Variants in CDH13 observed in about 807,000 individuals in gnomAD.
CDH13 encodes the protein cadherin-13.
CDH13 carries 24 observed loss-of-function variants against 63.8 expected under a neutral mutation model. The observed-to-expected ratio is 0.38, with a 90% CI of 0.27 to 0.53. CDH13 has a LOEUF of 0.53. Ranked by LOEUF, CDH13 falls within the 20% of genes least tolerant of loss-of-function variation. The pLI, the probability that CDH13 is intolerant of heterozygous loss-of-function variation, is 0.85. For missense variants in CDH13, 1,049 were observed against 903.1 expected (o/e 1.16, Z -2.07); for synonymous variants, 503 against 355.3 (o/e 1.42, Z -4.67).
chr16:82,948,506 A>T (rs1904971786), intron 2 of CDH13, among the ~76,000 whole-genome samples: 1 of 152,206 alleles, frequency 6.6e-6, no homozygotes, highest in Admixed American at 6.5e-5. Flanking sequence ...TTATTTTTAG[A>T]ACAAACACAT....
intron 1 of CDH13, among the ~76,000 whole-genome samples, chr16:82,812,492 G>C (rs1160779355): frequency 3.3e-5 from 5 of 152,096 alleles, no homozygotes; most frequent in Non-Finnish European, 7.4e-5. Flanking sequence ...CAGGTGAGGT[G>C]GTGGAGGTGC....
chr16:83,691,838 A>T (rs1904924639), intron 10 of CDH13, among the ~76,000 whole-genome samples: 1 of 152,020 alleles, frequency 6.6e-6, no homozygotes, highest in Non-Finnish European at 1.5e-5. Context: ...TGCTATAGCT[A>T]CACCAAATTG....
At chr16:83,240,158 T>G (rs888581178) in intron 5 of CDH13, among the ~76,000 whole-genome samples, 1 of 152,134 alleles carries the variant, frequency 6.6e-6, no homozygotes, top group African/African-American at 2.4e-5. Context: ...CTGCCTTTGT[T>G]GGTGTACCCC....
chr16:83,018,771 A>G (rs907544161), intron 2 of CDH13, among the ~76,000 whole-genome samples: 10 of 152,374 alleles, frequency 6.6e-5, no homozygotes, highest in African/African-American at 2.2e-4. Context: ...TCGGCTACTA[A>G]CATATATAGC....
At chr16:83,408,960 G>T (rs2092087380) in intron 6 of CDH13, among the ~76,000 whole-genome samples, 1 of 152,214 alleles carries the variant, frequency 6.6e-6, no homozygotes, top group African/African-American at 2.4e-5. Flanking sequence ...CATGGGAACA[G>T]AAGATTGGTG....
At chr16:83,038,675 C>T (rs924485525) in intron 3 of CDH13, among the ~76,000 whole-genome samples, 28 of 152,150 alleles carry the variant, frequency 1.8e-4, no homozygotes, top group African/African-American at 5.8e-4. Flanking sequence ...TGCACACATG[C>T]GTGTTCGCCT....
chr16:82,732,954 G>A (rs1046838481), intron 1 of CDH13, among the ~76,000 whole-genome samples: 2 of 152,164 alleles, frequency 1.3e-5, no homozygotes, highest in African/African-American at 4.8e-5. Context: ...AAGACAAATG[G>A]AGTTGAAGCT....
intron 1 of CDH13, among the ~76,000 whole-genome samples, chr16:82,672,231 C>G (rs139790414): frequency 5.3e-5 from 8 of 152,210 alleles, no homozygotes; most frequent in African/African-American, 1.9e-4. Context: ...CAATAACTAT[C>G]TCATGGGGTT....
chr16:82,959,972 T>A (rs1298310936), intron 2 of CDH13, among the ~76,000 whole-genome samples: 7 of 152,318 alleles, frequency 4.6e-5, no homozygotes, highest in Middle Eastern at 3.4e-3. Flanking sequence ...GTTTTATTTT[T>A]TAAAAAAACA....
intron 6 of CDH13, among the ~76,000 whole-genome samples, chr16:83,393,364 G>A (rs2091824745): frequency 6.6e-6 from 1 of 152,196 alleles, no homozygotes; most frequent in Admixed American, 6.5e-5. Context: ...GAGCATACAT[G>A]CTTGTTTATG....
At chr16:83,609,015 A>T (rs1000694796) in intron 8 of CDH13, among the ~76,000 whole-genome samples, 3 of 152,186 alleles carry the variant, frequency 2.0e-5, no homozygotes, top group African/African-American at 7.2e-5. Context: ...TGTCATCAAG[A>T]GTTTAGAAAC....
At chr16:83,236,915 C>T (rs572796557) in intron 5 of CDH13, among the ~76,000 whole-genome samples, 2 of 152,054 alleles carry the variant, frequency 1.3e-5, no homozygotes, top group East Asian at 3.9e-4. Flanking sequence ...ATCATGAGTA[C>T]ACTAAACATG....
chr16:82,700,905 T>C (rs559830809), intron 1 of CDH13, among the ~76,000 whole-genome samples: 101 of 148,148 alleles, frequency 6.8e-4, no homozygotes, highest in African/African-American at 2.2e-3. Flanking sequence ...GCCATGTAAT[T>C]TGCTTCTCTT....
intron 3 of CDH13, among the ~76,000 whole-genome samples, chr16:83,076,118 T>G (rs1419028776): frequency 2.6e-5 from 4 of 152,062 alleles, no homozygotes; most frequent in African/African-American, 9.7e-5. Flanking sequence ...GAAAAAAAAG[T>G]AAATGAGCTA....
intron 5 of CDH13, among the ~76,000 whole-genome samples, chr16:83,225,737 C>G (rs1165211105): frequency 6.6e-6 from 1 of 152,210 alleles, no homozygotes; most frequent in Non-Finnish European, 1.5e-5. Context: ...ATCAGGATGT[C>G]TCAGAGTGTG....
intron 5 of CDH13, among the ~76,000 whole-genome samples, chr16:83,307,877 G>A (rs2089915031): frequency 6.6e-6 from 1 of 152,122 alleles, no homozygotes; most frequent in African/African-American, 2.4e-5. Flanking sequence ...GCTGAATATG[G>A]CAGCACTTCC....
intron 6 of CDH13, among the ~76,000 whole-genome samples, chr16:83,476,391 G>A (rs2073605742): frequency 2.0e-5 from 3 of 152,184 alleles, no homozygotes; most frequent in Admixed American, 6.5e-5. Context: ...CTCTTAAATT[G>A]GCTGGGCGCA....
intron 6 of CDH13, among the ~76,000 whole-genome samples, chr16:83,476,484 C>G (rs1175481347): frequency 6.6e-6 from 1 of 152,162 alleles, no homozygotes; most frequent in Non-Finnish European, 1.5e-5. Context: ...ACCAGCCTGG[C>G]CAACATGGTA....
rs371108852 is a variant in CDH13 at position 82,676,469 on chromosome 16, C to G, written c.45+49332C>G. Among the ~76,000 whole-genome samples the G allele has an allele frequency of 5.4e-5, 8 of 147,374 alleles. No homozygotes were observed. In the East Asian group the frequency reaches 1.6e-3, roughly 30 times the overall value. On this transcript the variant is annotated intron_variant, in intron 1 of 13. Coordinates refer to ENST00000567109, the MANE Select transcript of CDH13 (RefSeq NM_001257.5). ...CCCTCTCCATTGCCAGTATCCTAATCTGAGCTACCATCATTTCTTTTTTTT... is the reference window on the plus strand; with the variant it reads ...CCCTCTCCATTGCCAGTATCCTAATGTGAGCTACCATCATTTCTTTTTTTT...
Sources: allele counts gnomAD v4.1 joint callset (sites outside exome capture counted in the v4.1 genomes callset), GRCh38; gene constraint gnomAD v4.1.1; transcripts MANE v1.5; gene names NCBI Gene and HGNC (gene_info 2026-07-23, HGNC 2026-07-21).